Variants in PCDH9 observed in about 807,000 individuals in gnomAD.
The protein encoded by PCDH9 is protocadherin 9.
A neutral mutation model predicts 70.6 loss-of-function variants in PCDH9; 24 were observed. The observed-to-expected ratio is 0.34, with a 90% CI of 0.25 to 0.48. PCDH9 has a LOEUF of 0.48. Among genes scored for constraint, PCDH9 ranks in the 20% least tolerant of loss-of-function variants. The pLI is 0.99. For missense variants in PCDH9, 1,281 were observed against 1,503.6 expected, an observed-to-expected ratio of 0.85 and a Z score of 2.45; for synonymous variants, 562 against 558.5, an observed-to-expected ratio of 1.01 and a Z score of -0.09.
chr13:67,120,903 G>A (rs992287664), intron 2 of PCDH9, among the ~76,000 whole-genome samples: 3 of 151,670 alleles, frequency 2.0e-5, no homozygotes, highest in Admixed American at 6.6e-5. Flanking sequence ...CTTGCTTTGA[G>A]GAAGTCACTT....
chr13:66,965,776 T>C (rs956676322), intron 2 of PCDH9, among the ~76,000 whole-genome samples: 1 of 152,072 alleles, frequency 6.6e-6, no homozygotes, highest in Non-Finnish European at 1.5e-5. Context: ...ACCATATTAA[T>C]AGAATAAGTT....
chr13:66,333,949 T>A (rs1486000323), intron 4 of PCDH9, among the ~76,000 whole-genome samples: 1 of 152,158 alleles, frequency 6.6e-6, no homozygotes. Context: ...TAATTATACA[T>A]GTGATATTTT....
intron 2 of PCDH9, among the ~76,000 whole-genome samples, chr13:66,912,244 C>T (rs961665307): frequency 2.6e-5 from 4 of 152,060 alleles, no homozygotes; most frequent in Admixed American, 6.6e-5. Context: ...TCTACTGTTG[C>T]GTTTCATTTT....
At chr13:67,004,029 A>G (rs2084298403) in intron 2 of PCDH9, among the ~76,000 whole-genome samples, 1 of 152,170 alleles carries the variant, frequency 6.6e-6, no homozygotes, top group Admixed American at 6.5e-5. Flanking sequence ...GTTCTTTGAG[A>G]AACTGAGAAG....
intron 4 of PCDH9, among the ~76,000 whole-genome samples, chr13:66,386,789 T>A (rs1479985869): frequency 6.6e-6 from 1 of 152,138 alleles, no homozygotes; most frequent in East Asian, 1.9e-4. Context: ...ATTAATTTGT[T>A]GGGAGCAAAA....
intron 4 of PCDH9, among the ~76,000 whole-genome samples, chr13:66,512,740 A>G (rs1040919343): frequency 2.6e-5 from 4 of 152,140 alleles, no homozygotes; most frequent in African/African-American, 9.7e-5. Context: ...TGTAAAACAA[A>G]CTGTAGAACT....
intron 4 of PCDH9, among the ~76,000 whole-genome samples, chr13:66,569,816 G>C (rs2076707389): frequency 6.6e-6 from 1 of 152,076 alleles, no homozygotes; most frequent in African/African-American, 2.4e-5. Flanking sequence ...GTTGTATTGG[G>C]AATATAAAAA....
intron 3 of PCDH9, among the ~76,000 whole-genome samples, chr13:66,821,657 T>C (rs140885983): frequency 6.6e-6 from 1 of 152,292 alleles, no homozygotes; most frequent in Non-Finnish European, 1.5e-5. Context: ...AATTTCAAAG[T>C]AGTTCTACAA....
At chr13:67,031,610 G>A (rs990704222) in intron 2 of PCDH9, among the ~76,000 whole-genome samples, 1 of 152,168 alleles carries the variant, frequency 6.6e-6, no homozygotes, top group Non-Finnish European at 1.5e-5. Context: ...TTGAACCTGG[G>A]AGATGGAGGT....
At chr13:66,787,525 A>G (rs1372586687) in intron 3 of PCDH9, among the ~76,000 whole-genome samples, 1 of 152,002 alleles carries the variant, frequency 6.6e-6, no homozygotes, top group Non-Finnish European at 1.5e-5. Context: ...TTGAGGCAGG[A>G]GAATTGCTTA....
At chr13:66,878,288 AT>A (rs1230917341) in intron 3 of PCDH9, among the ~76,000 whole-genome samples, 1 of 151,958 alleles carries the variant, frequency 6.6e-6, no homozygotes, top group Non-Finnish European at 1.5e-5. Context: ...GTGTAGGGGC[AT>A]GATCTCAGCT....
At chr13:66,602,485 A>T (rs1485222464) in intron 4 of PCDH9, among the ~76,000 whole-genome samples, 3 of 145,678 alleles carry the variant, frequency 2.1e-5, no homozygotes, top group East Asian at 3.9e-4. Context: ...TTAGTTTTTA[A>T]CAAACAAATT....
chr13:67,079,031 C>A (rs532258977), intron 2 of PCDH9, among the ~76,000 whole-genome samples: 1 of 151,992 alleles, frequency 6.6e-6, no homozygotes, highest in South Asian at 2.1e-4. Context: ...CATGTAAGGC[C>A]AGACGCAGTG....
intron 3 of PCDH9, among the ~76,000 whole-genome samples, chr13:66,655,631 A>G (rs1365679931): frequency 6.6e-6 from 1 of 152,166 alleles, no homozygotes; most frequent in Non-Finnish European, 1.5e-5. Context: ...GTTAAGACAA[A>G]TAAGGCTTAG....
intron 4 of PCDH9, among the ~76,000 whole-genome samples, chr13:66,607,507 A>G (rs1019137716): frequency 1.3e-5 from 2 of 152,096 alleles, no homozygotes; most frequent in Non-Finnish European, 2.9e-5. Context: ...TAGTAAAGGC[A>G]AAATAAAGCC....
chr13:66,643,897 T>C (rs1593828429), intron 3 of PCDH9, among the ~76,000 whole-genome samples: 1 of 152,018 alleles, frequency 6.6e-6, no homozygotes, highest in African/African-American at 2.4e-5. Context: ...GAGGGAAAGA[T>C]AGTTTCCAAA....
chr13:66,682,743 T>C (rs188507007), intron 3 of PCDH9, among the ~76,000 whole-genome samples: 2 of 152,306 alleles, frequency 1.3e-5, no homozygotes, highest in East Asian at 3.9e-4. Flanking sequence ...AATGAAATGT[T>C]TTATGTGTTC....
At chr13:66,519,289 ATTGT>A (rs1275109146) in intron 4 of PCDH9, among the ~76,000 whole-genome samples, 6 of 151,992 alleles carry the variant, frequency 3.9e-5, no homozygotes, top group Non-Finnish European at 8.8e-5. Context: ...TATATTAGAA[ATTGT>A]TTATTATTAT....
At chr13:67,173,780 C>G (rs2088364427) in intron 2 of PCDH9, among the ~76,000 whole-genome samples, 1 of 152,214 alleles carries the variant, frequency 6.6e-6, no homozygotes, top group South Asian at 2.1e-4. Context: ...AGCTAAAAGA[C>G]AAAAATAAAA....
Sources: allele counts gnomAD v4.1 joint callset (sites outside exome capture counted in the v4.1 genomes callset), GRCh38; gene constraint gnomAD v4.1.1; transcripts MANE v1.5; gene names NCBI Gene and HGNC (gene_info 2026-07-23, HGNC 2026-07-21).